The following CCDC158 variants were observed in gnomAD, a reference collection of about 807,000 sequenced individuals.
CCDC158 encodes the protein coiled-coil domain-containing protein 158.
CCDC158 carries 116 observed loss-of-function variants against 138.6 expected under a neutral mutation model. The ratio of observed to expected loss-of-function variants is 0.84; its 90% CI spans 0.72 to 0.98. The LOEUF is 0.98. CCDC158 is among the 50% of genes least tolerant of loss of function. The probability of loss-of-function intolerance (pLI) is 0.00; values close to 1 mark genes in which losing one functional copy is unlikely to be tolerated. For synonymous variants in CCDC158, 436 were observed against 442.4 expected (o/e 0.99, Z 0.18); for missense variants, 1,265 against 1,306.1 (o/e 0.97, Z 0.48).
intron 4 of CCDC158, among the ~76,000 whole-genome samples, chr4:76,387,269 T>C (rs1225884930): frequency 6.6e-6 from 1 of 152,092 alleles, no homozygotes; most frequent in Non-Finnish European, 1.5e-5. Context: ...GGCAGAGTCA[T>C]GAGGCCCCCA....
intron 23 of CCDC158, among the ~76,000 whole-genome samples, chr4:76,325,160 T>G (rs570580615): frequency 5.3e-5 from 8 of 152,336 alleles, no homozygotes; most frequent in Non-Finnish European, 1.0e-4. Context: ...AAAAATGTAC[T>G]AACATGTGAT....
intron 1 of CCDC158, among the ~76,000 whole-genome samples, chr4:76,416,814 G>C (rs2109930594): frequency 6.6e-6 from 1 of 152,344 alleles, no homozygotes; most frequent in African/African-American, 2.4e-5. Flanking sequence ...CCAGGCAAAA[G>C]TTTGCTGTAG....
In CCDC158 at chr4:76,313,089, A is replaced by AAAG; in HGVS notation, c.*78_*80dup. The AAAG allele has an allele frequency of 1.3e-6, 1 of 787,932 alleles. No individual in the cohort carries two copies. The highest frequency in any genetic ancestry group is 2.8e-5 in the East Asian group (1 of 36,256). 48.8% of individuals were successfully genotyped at this position (787,932 alleles called of 1,614,324 possible). A position where few individuals can be genotyped will look rare whatever the true frequency, so the allele number is the denominator to read the frequency against. On this transcript the variant is annotated 3_prime_UTR_variant, in exon 25 of 25. Coordinates refer to ENST00000682701, the MANE Select transcript of CCDC158 (RefSeq NM_001394954.1). ...TTATTAAATTTTCACATAAAAAGAA[A>AAAG]AAGTACACAGGGCACTAATTACGAG...
At chr4:76,364,118 T>C (rs1177595256) in intron 12 of CCDC158, among the ~76,000 whole-genome samples, 1 of 152,214 alleles carries the variant, frequency 6.6e-6, no homozygotes, top group East Asian at 1.9e-4. Flanking sequence ...ACAGAGGGCC[T>C]TCCCCTACAA....
intron 24 of CCDC158, among the ~76,000 whole-genome samples, chr4:76,318,232 T>C (rs1043175693): frequency 6.6e-6 from 1 of 152,126 alleles, no homozygotes; most frequent in Admixed American, 6.5e-5. Context: ...AAAAAGCTTG[T>C]TCTTTAAAAA....
chr4:76,367,810 T>C, intron 11 of CCDC158, 34 bp from the exon 12 acceptor site: 2 of 1,569,418 alleles, frequency 1.3e-6, no homozygotes, highest in South Asian at 2.4e-5. Flanking sequence ...TTCATAGATT[T>C]GGGAGGATAG....
At chr4:76,395,348 AT>A (rs953320878) in intron 4 of CCDC158, among the ~76,000 whole-genome samples, 6 of 151,852 alleles carry the variant, frequency 4.0e-5, no homozygotes, top group East Asian at 1.9e-4. Context: ...AAAATTGTAG[AT>A]TTTTTTTTCC....
At chr4:76,321,444 A>G (rs759633457) in intron 24 of CCDC158, among the ~76,000 whole-genome samples, 5 of 151,932 alleles carry the variant, frequency 3.3e-5, no homozygotes, top group Non-Finnish European at 7.4e-5. Context: ...TGTAAAGGAC[A>G]CTTGCACACG....
At position 76,396,499 on chromosome 4, in the gene CCDC158, G is replaced by C; in HGVS notation, c.71-13C>G. ...GAACTTGAAGAACCTAAATATTAAA[G>C]AATTCATTAATTAACTTTTCGTTTT... On this transcript the variant is annotated splice_polypyrimidine_tract_variant and intron_variant, in intron 3 of 24. Transcript: ENST00000682701. 1 of 1,577,158 alleles carries C rather than the reference G, an allele frequency of 6.3e-7. No homozygotes were observed. The highest frequency in any genetic ancestry group is 8.6e-7 in the Non-Finnish European group (1 of 1,158,074).
intron 19 of CCDC158, 124 bp from the exon 20 acceptor site, chr4:76,332,615 C>A: frequency 1.6e-6 from 1 of 639,078 alleles, no homozygotes; most frequent in Non-Finnish European, 2.5e-6. Flanking sequence ...AGATTTTAGG[C>A]CTCCAAGCAA....
intron 10 of CCDC158, among the ~76,000 whole-genome samples, chr4:76,370,919 T>C (rs969245521): frequency 1.3e-5 from 2 of 152,192 alleles, no homozygotes; most frequent in Non-Finnish European, 2.9e-5. Context: ...TATTCTGTTA[T>C]ACCACTAATA....
intron 1 of CCDC158, among the ~76,000 whole-genome samples, chr4:76,415,075 G>C (rs1456431831): frequency 6.6e-6 from 1 of 152,166 alleles, no homozygotes; most frequent in African/African-American, 2.4e-5. Context: ...TGGACAATAA[G>C]GTCCAGGCTG....
At position 76,367,282 on chromosome 4, in the gene CCDC158, A is replaced by T. The variant is rs750132432; in HGVS notation, c.1830+12T>A. On this transcript the variant is annotated intron_variant, in intron 12 of 24. Transcript: ENST00000682701. The stretch of plus-strand genomic sequence containing the variant: ...TATTTCAGAAGTTAAATCACAAAAA[A>T]ACTCTACAGACCTTAAGTTCCTTTA... 6 of 1,596,940 alleles carry T rather than the reference A, an allele frequency of 3.8e-6. No homozygotes were observed. Among genetic ancestry groups the T allele is most frequent in the Admixed American group, 1.7e-5 (1 of 57,474 alleles).
At chr4:76,344,596 T>C (rs936449488) in intron 18 of CCDC158, 2 of 1,320,698 alleles carry the variant, frequency 1.5e-6, no homozygotes, top group African/African-American at 2.9e-5. Context: ...TCGCTTCAGG[T>C]TGACATACCT....
chr4:76,404,173 G>C (rs148998904), intron 2 of CCDC158, among the ~76,000 whole-genome samples: 1 of 152,174 alleles, frequency 6.6e-6, no homozygotes, highest in East Asian at 1.9e-4. Flanking sequence ...ACCAGCAGAA[G>C]CAAAACACAA....
At chr4:76,383,588 G>C (rs1025793180) in intron 7 of CCDC158, 74 bp downstream of exon 7, 1 of 1,047,090 alleles carries the variant, frequency 9.6e-7, no homozygotes, top group Non-Finnish European at 1.5e-6. Context: ...TTAGATTTTG[G>C]AATTGTGGCC....
chr4:76,334,984 T>C (rs933404133), intron 18 of CCDC158, among the ~76,000 whole-genome samples: 1 of 152,182 alleles, frequency 6.6e-6, no homozygotes, highest in African/African-American at 2.4e-5. Context: ...TCTCCTCTTC[T>C]CAACTCCACT....
intron 8 of CCDC158, among the ~76,000 whole-genome samples, chr4:76,380,068 T>C (rs1726090504): frequency 1.3e-5 from 2 of 152,214 alleles, no homozygotes; most frequent in African/African-American, 4.8e-5. Flanking sequence ...TAAACTTCTT[T>C]TCTTTATAAA....
chr4:76,369,116 G>A (rs1368093207), intron 11 of CCDC158, among the ~76,000 whole-genome samples: 1 of 152,166 alleles, frequency 6.6e-6, no homozygotes, highest in East Asian at 1.9e-4. Context: ...TTGGGAGGCT[G>A]AGGTAGGAGA....
Sources: gnomAD v4.1 joint callset for allele counts (sites outside exome capture counted in the v4.1 genomes callset) on GRCh38, gnomAD v4.1.1 for gene constraint, MANE v1.5 for transcripts, NCBI Gene and HGNC (gene_info 2026-07-23, HGNC 2026-07-21) for gene names.